Variants in SYN3 observed in about 807,000 individuals in gnomAD.
SYN3 encodes synapsin III.
Under a neutral mutation model 65.8 loss-of-function variants are expected in SYN3, and 35 were observed. The observed-to-expected ratio is 0.53, with a 90% CI of 0.41 to 0.70. The LOEUF (loss-of-function observed/expected upper bound fraction) is 0.70. Among genes scored for constraint, SYN3 ranks in the 30% least tolerant of loss-of-function variants. The pLI is 0.00. For missense variants in SYN3, 680 were observed against 749.0 expected, an observed-to-expected ratio of 0.91 and a Z score of 1.08; for synonymous variants, 270 against 292.9, an observed-to-expected ratio of 0.92 and a Z score of 0.80.
At chr22:32,825,237 G>T (rs1312113753) in intron 6 of SYN3, among the ~76,000 whole-genome samples, 1 of 152,180 alleles carries the variant, frequency 6.6e-6, no homozygotes, top group African/African-American at 2.4e-5. Flanking sequence ...GTAGAGGTCT[G>T]CAGGGTGGCC....
At chr22:33,045,080 T>C (rs2054036479) in intron 1 of SYN3, among the ~76,000 whole-genome samples, 2 of 152,158 alleles carry the variant, frequency 1.3e-5, no homozygotes, top group Non-Finnish European at 2.9e-5. Context: ...CAACCTCAGG[T>C]GATCTGCCCG....
chr22:33,034,326 A>T (rs1438069124), intron 1 of SYN3, among the ~76,000 whole-genome samples: 1 of 149,178 alleles, frequency 6.7e-6, no homozygotes, highest in African/African-American at 2.5e-5. Context: ...GACTCACTGC[A>T]ACCTCCGCCT....
chr22:32,853,033 C>T (rs907637041), intron 6 of SYN3, among the ~76,000 whole-genome samples: 27 of 152,336 alleles, frequency 1.8e-4, no homozygotes, highest in African/African-American at 6.0e-4. Context: ...TGGTCATGTG[C>T]TTTGCATGTC....
At chr22:32,826,883 C>T (rs2047430263) in intron 6 of SYN3, among the ~76,000 whole-genome samples, 2 of 152,310 alleles carry the variant, frequency 1.3e-5, no homozygotes, top group South Asian at 4.1e-4. Flanking sequence ...CCCTAGGAGC[C>T]TGCTGCCACT....
intron 6 of SYN3, among the ~76,000 whole-genome samples, chr22:32,603,527 C>G (rs1371012133): frequency 2.4e-5 from 2 of 82,130 alleles, no homozygotes; most frequent in Non-Finnish European, 4.3e-5. Flanking sequence ...GACTCCGTCT[C>G]AAAAAAAAAG....
chr22:32,889,621 A>G (rs1401923838), intron 4 of SYN3, among the ~76,000 whole-genome samples: 2 of 152,202 alleles, frequency 1.3e-5, no homozygotes, highest in East Asian at 3.8e-4. Context: ...CAACGCATAT[A>G]TTTGTAAATA....
At chr22:32,824,510 G>A (rs140328828) in intron 6 of SYN3, among the ~76,000 whole-genome samples, 148 of 152,128 alleles carry the variant, frequency 9.7e-4, no homozygotes, top group Middle Eastern at 3.4e-3. Flanking sequence ...GCTCACTGAA[G>A]AATCAGGGGT....
intron 6 of SYN3, among the ~76,000 whole-genome samples, chr22:32,666,062 C>T (rs1274337376): frequency 1.3e-5 from 2 of 152,192 alleles, no homozygotes; most frequent in Non-Finnish European, 2.9e-5. Flanking sequence ...GATGCTTTCT[C>T]ATCTTTCACA....
chr22:32,745,678 G>A (rs1457923851), intron 6 of SYN3, among the ~76,000 whole-genome samples: 1 of 152,200 alleles, frequency 6.6e-6, no homozygotes, highest in Non-Finnish European at 1.5e-5. Context: ...GGAAGGGGAA[G>A]AGAGGAGACA....
chr22:32,562,346 A>G (rs946011522), intron 7 of SYN3, among the ~76,000 whole-genome samples: 2 of 152,158 alleles, frequency 1.3e-5, no homozygotes, highest in Non-Finnish European at 2.9e-5. Flanking sequence ...GGGCTCCTCC[A>G]GAGCTCATTA....
At chr22:32,877,061 C>T (rs2049003576) in intron 4 of SYN3, among the ~76,000 whole-genome samples, 1 of 152,220 alleles carries the variant, frequency 6.6e-6, no homozygotes, top group Admixed American at 6.5e-5. Context: ...CTGTCCATTG[C>T]TATGCCTGAT....
intron 4 of SYN3, among the ~76,000 whole-genome samples, chr22:32,898,869 G>A (rs1170289717): frequency 2.0e-5 from 3 of 152,176 alleles, no homozygotes; most frequent in Non-Finnish European, 2.9e-5. Context: ...TTGGGAGGCC[G>A]AGGCGGGTGG....
intron 6 of SYN3, among the ~76,000 whole-genome samples, chr22:32,638,814 T>C (rs1171289140): frequency 6.6e-6 from 1 of 152,218 alleles, no homozygotes; most frequent in Admixed American, 6.5e-5. Flanking sequence ...AGTTCTTTAG[T>C]TTAATTAGGT....
chr22:32,627,799 A>G (rs1296071336), intron 6 of SYN3, among the ~76,000 whole-genome samples: 2 of 151,208 alleles, frequency 1.3e-5, no homozygotes, highest in African/African-American at 4.9e-5. Flanking sequence ...ACCTGTACAA[A>G]CACAGAGGAG....
At chr22:32,873,516 G>A (rs1258507589) in intron 4 of SYN3, among the ~76,000 whole-genome samples, 1 of 152,132 alleles carries the variant, frequency 6.6e-6, no homozygotes, top group African/African-American at 2.4e-5. Context: ...GACTGTGCTG[G>A]TTTTATCTGC....
chr22:32,930,079 C>T (rs1359736307), intron 4 of SYN3, among the ~76,000 whole-genome samples: 2 of 152,300 alleles, frequency 1.3e-5, no homozygotes. Context: ...TCATGGCATA[C>T]AGTAGGCACT....
chr22:32,627,803 AG>A (rs1231202948), intron 6 of SYN3, among the ~76,000 whole-genome samples: 1 of 148,254 alleles, frequency 6.7e-6, no homozygotes, highest in Middle Eastern at 3.4e-3. Context: ...GTACAAACAC[AG>A]AGGAGCATTT....
chr22:32,804,747 A>G (rs2145946450), intron 6 of SYN3, among the ~76,000 whole-genome samples: 1 of 152,244 alleles, frequency 6.6e-6, no homozygotes, highest in East Asian at 1.9e-4. Flanking sequence ...CCTGCACCCT[A>G]TGGAAGTGTT....
intron 4 of SYN3, among the ~76,000 whole-genome samples, chr22:32,891,977 CTAATAATAATAA>C (rs57171093): frequency 4.0e-5 from 6 of 148,250 alleles, no homozygotes; most frequent in African/African-American, 2.5e-5. Context: ...TCCTTTTTAG[CTAATAATAATAA>C]TAATAATAAT....
Sources: allele counts gnomAD v4.1 joint callset (sites outside exome capture counted in the v4.1 genomes callset), GRCh38; gene constraint gnomAD v4.1.1; transcripts MANE v1.5; gene names NCBI Gene and HGNC (gene_info 2026-07-23, HGNC 2026-07-21).